The following ATAD2B variants were observed in gnomAD, a reference collection of about 807,000 sequenced individuals.
The protein encoded by ATAD2B is ATPase family AAA domain containing 2B, also known as ATPase family AAA domain-containing protein 2B.
In ATAD2B, 40 loss-of-function variants were observed where a neutral mutation model predicts 167.6. The ratio of observed to expected loss-of-function variants is 0.24; its 90% CI spans 0.19 to 0.31. ATAD2B has a LOEUF of 0.31. Among genes scored for constraint, ATAD2B ranks in the 10% least tolerant of loss-of-function variants. The pLI, the probability that ATAD2B is intolerant of heterozygous loss-of-function variation, is 1.00. For synonymous variants in ATAD2B, 579 were observed against 596.5 expected (o/e 0.97, Z 0.43); for missense variants, 1,242 against 1,757.2 (o/e 0.71, Z 5.24).
intron 13 of ATAD2B, among the ~76,000 whole-genome samples, chr2:23,843,902 C>A (rs778333074): frequency 3.9e-5 from 6 of 152,128 alleles, no homozygotes; most frequent in Non-Finnish European, 7.3e-5. Flanking sequence ...TAGTCCTACA[C>A]TCAGGGCTAC....
chr2:23,722,703 G>C, the ATAD2B span, among the ~76,000 whole-genome samples: 1 of 152,004 alleles, frequency 6.6e-6, no homozygotes, highest in African/African-American at 2.4e-5. Flanking sequence ...GAGAATGATG[G>C]ACATCTAGGC....
intron 12 of ATAD2B, among the ~76,000 whole-genome samples, chr2:23,859,718 C>A (rs1321552008): frequency 2.0e-5 from 3 of 152,022 alleles, no homozygotes; most frequent in Non-Finnish European, 4.4e-5. Flanking sequence ...GAGGTCGAGA[C>A]AGGCGGATCT....
chr2:23,867,695 T>C (rs919219398), intron 10 of ATAD2B, 140 bp downstream of exon 10: 2 of 604,942 alleles, frequency 3.3e-6, no homozygotes, highest in Non-Finnish European at 5.8e-6. Context: ...TGGCTAGGGT[T>C]CTTAGGTTTC....
chr2:23,712,120 A>G, the ATAD2B span, among the ~76,000 whole-genome samples: 1 of 152,148 alleles, frequency 6.6e-6, no homozygotes, highest in Non-Finnish European at 1.5e-5. Flanking sequence ...TGAGACCTTA[A>G]GCAGAGAGCA....
At chr2:23,717,074 T>A in the ATAD2B span, among the ~76,000 whole-genome samples, 3 of 152,086 alleles carry the variant, frequency 2.0e-5, no homozygotes, top group South Asian at 6.2e-4. Flanking sequence ...GAAACCAGGA[T>A]GAAAAACCTA....
At chr2:23,753,028 A>G (rs1167273073) in intron 27 of ATAD2B, among the ~76,000 whole-genome samples, 1 of 152,168 alleles carries the variant, frequency 6.6e-6, no homozygotes, top group Non-Finnish European at 1.5e-5. Context: ...AAAAATGTGA[A>G]TAACTCTACC....
intron 14 of ATAD2B, chr2:23,832,350 T>C: frequency 5.5e-6 from 2 of 363,124 alleles, no homozygotes; most frequent in Non-Finnish European, 1.1e-5. Context: ...TAGATTTCAG[T>C]CTCACAAAAC....
At chr2:23,883,372 T>C (rs1698238887) in intron 6 of ATAD2B, among the ~76,000 whole-genome samples, 1 of 151,928 alleles carries the variant, frequency 6.6e-6, no homozygotes, top group Non-Finnish European at 1.5e-5. Flanking sequence ...CGTTAGGTTG[T>C]AGAGAAAAAT....
chr2:23,820,954 A>T (rs1687357892), intron 16 of ATAD2B, among the ~76,000 whole-genome samples: 1 of 151,528 alleles, frequency 6.6e-6, no homozygotes, highest in South Asian at 2.1e-4. Context: ...GTCTCAAAAC[A>T]AAAAAAAAGC....
At chr2:23,906,582 T>C (rs1701528460) in intron 1 of ATAD2B, among the ~76,000 whole-genome samples, 1 of 152,130 alleles carries the variant, frequency 6.6e-6, no homozygotes, top group African/African-American at 2.4e-5. Context: ...CGTTGATCTG[T>C]CTAATATTGA....
chr2:23,818,362 CA>C (rs6146683), intron 17 of ATAD2B, among the ~76,000 whole-genome samples: 203 of 99,268 alleles, frequency 2.0e-3, no homozygotes, highest in Middle Eastern at 0.013. Flanking sequence ...AGGTGAAAAG[CA>C]AAAAAAAAAA....
rs113148714 is a variant in ATAD2B at position 23,917,186 on chromosome 2, T to C, written c.216+9369A>G. On this transcript the variant is annotated intron_variant, in intron 1 of 27. Transcript: ENST00000238789. ...GATATTTACTGAATGAATGAATGAA[T>C]GAACGAACAAAGGAACAAGCAAGCC... Among the ~76,000 whole-genome samples, 985 of 152,318 alleles carry C rather than the reference T, an allele frequency of 6.5e-3. 23 individuals are homozygous for C. Among genetic ancestry groups the C allele is most frequent in the Non-Finnish European group, 6.7e-3 (455 of 68,018 alleles).
At chr2:23,885,881 T>C in intron 4 of ATAD2B, 52 bp from the exon 5 acceptor site, 2 of 1,037,768 alleles carry the variant, frequency 1.9e-6, no homozygotes, top group Non-Finnish European at 2.8e-6. Context: ...ACCATATACA[T>C]AAAAGAGCTC....
chr2:23,876,244 G>A (rs201727284), intron 7 of ATAD2B, among the ~76,000 whole-genome samples: 1 of 151,606 alleles, frequency 6.6e-6, no homozygotes, highest in African/African-American at 2.4e-5. Context: ...CGCCCACCTC[G>A]GCCTCCCAAA....
chr2:23,782,370 G>A (rs1680191575), intron 22 of ATAD2B, among the ~76,000 whole-genome samples: 1 of 152,132 alleles, frequency 6.6e-6, no homozygotes, highest in Admixed American at 6.5e-5. Context: ...CTTCCCTGGA[G>A]AGCGATAACA....
the ATAD2B span, among the ~76,000 whole-genome samples, chr2:23,728,771 TA>T: frequency 6.6e-6 from 1 of 152,174 alleles, no homozygotes; most frequent in Non-Finnish European, 1.5e-5. Context: ...TTTGGGGAAT[TA>T]AAAAAATTCC....
intron 1 of ATAD2B, among the ~76,000 whole-genome samples, chr2:23,908,294 G>GAAAA (rs1456679976): frequency 6.6e-6 from 1 of 151,740 alleles, no homozygotes; most frequent in Non-Finnish European, 1.5e-5. Context: ...AAATTTACAA[G>GAAAA]AAAAAAACAA....
chr2:23,753,460 G>T (rs1460361805), intron 27 of ATAD2B, among the ~76,000 whole-genome samples: 1 of 152,100 alleles, frequency 6.6e-6, no homozygotes, highest in East Asian at 1.9e-4. Context: ...AAAGGGAGTT[G>T]AATTAAGTCA....
At chr2:23,904,388 TG>T in intron 1 of ATAD2B, among the ~76,000 whole-genome samples, 1 of 152,198 alleles carries the variant, frequency 6.6e-6, no homozygotes, top group Middle Eastern at 3.4e-3. Context: ...GACAGGGCAA[TG>T]TCTGTGAAAT....
Sources: gnomAD v4.1 joint callset for allele counts (sites outside exome capture counted in the v4.1 genomes callset) on GRCh38, gnomAD v4.1.1 for gene constraint, MANE v1.5 for transcripts, NCBI Gene and HGNC (gene_info 2026-07-23, HGNC 2026-07-21) for gene names.